Variants in DNMBP observed in about 807,000 individuals in gnomAD.
DNMBP encodes dynamin-binding protein.
A neutral mutation model predicts 150.0 loss-of-function variants in DNMBP; 87 were observed. The ratio of observed to expected loss-of-function variants is 0.58; its 90% CI spans 0.49 to 0.69. The LOEUF (loss-of-function observed/expected upper bound fraction) is 0.69, where lower values mean the gene tolerates loss of function less well. Among genes scored for constraint, DNMBP ranks in the 30% least tolerant of loss-of-function variants. DNMBP has a pLI of 0.00. For missense variants in DNMBP, 1,774 were observed against 1,949.0 expected, an observed-to-expected ratio of 0.91 and a Z score of 1.69; for synonymous variants, 711 against 750.4, an observed-to-expected ratio of 0.95 and a Z score of 0.86.
chr10:99,979,345 A>C (rs185944650), intron 1 of DNMBP, among the ~76,000 whole-genome samples: 1 of 152,340 alleles, frequency 6.6e-6, no homozygotes, highest in African/African-American at 2.4e-5. Flanking sequence ...GGAGACACTC[A>C]CTCAGTCTTA....
chr10:99,984,486 A>G (rs1476987942), intron 1 of DNMBP, among the ~76,000 whole-genome samples: 1 of 152,244 alleles, frequency 6.6e-6, no homozygotes, highest in Non-Finnish European at 1.5e-5. Context: ...GAAACTATAA[A>G]GTGAAACTTT....
intron 4 of DNMBP, chr10:99,929,773 A>C (rs1414630837): frequency 1.4e-6 from 1 of 702,706 alleles, no homozygotes; most frequent in Non-Finnish European, 2.6e-6. Flanking sequence ...GGAATCCCCA[A>C]ATGATGTCCT....
chr10:99,960,544 G>A (rs936840806), intron 3 of DNMBP, among the ~76,000 whole-genome samples: 2 of 152,134 alleles, frequency 1.3e-5, no homozygotes, highest in South Asian at 2.1e-4. Flanking sequence ...GGTGGCTCAC[G>A]CCTGTAATCC....
At chr10:99,931,129 G>A (rs937683584) in intron 4 of DNMBP, 1 of 187,064 alleles carries the variant, frequency 5.3e-6, no homozygotes, top group Non-Finnish European at 1.1e-5. Flanking sequence ...TGCAGGAAAA[G>A]TCGTGTGAAA....
intron 4 of DNMBP, among the ~76,000 whole-genome samples, chr10:99,936,610 T>G (rs1465179038): frequency 1.3e-5 from 2 of 150,784 alleles, no homozygotes; most frequent in Non-Finnish European, 3.0e-5. Flanking sequence ...AAACAATCCA[T>G]GTTTCTATTT....
At chr10:99,925,695 G>T (rs915608647) in intron 4 of DNMBP, among the ~76,000 whole-genome samples, 1 of 152,118 alleles carries the variant, frequency 6.6e-6, no homozygotes, top group Non-Finnish European at 1.5e-5. Flanking sequence ...TATTTCAGGC[G>T]TGAGCCACTG....
At chr10:99,964,135 CTTTTTTTTTTTTT>C (rs895801002) in intron 3 of DNMBP, among the ~76,000 whole-genome samples, 11 of 87,226 alleles carry the variant, frequency 1.3e-4, no homozygotes, top group African/African-American at 4.9e-4. Flanking sequence ...TATTCTCTCT[CTTTTTTTTTTTTT>C]TTTTTTTTTT....
At chr10:99,919,677 C>T (rs999507573) in intron 4 of DNMBP, among the ~76,000 whole-genome samples, 2 of 152,214 alleles carry the variant, frequency 1.3e-5, no homozygotes, top group African/African-American at 4.8e-5. Context: ...CCACCAGCTA[C>T]TTGGGAGGCT....
chr10:99,977,966 C>A (rs957369404), intron 1 of DNMBP, among the ~76,000 whole-genome samples: 25 of 152,192 alleles, frequency 1.6e-4, no homozygotes, highest in African/African-American at 4.8e-4. Context: ...CCAGGTCAAG[C>A]ATTAATGTCT....
intron 1 of DNMBP, among the ~76,000 whole-genome samples, chr10:99,985,565 G>A (rs192747174): frequency 2.4e-4 from 36 of 152,126 alleles, no homozygotes; most frequent in African/African-American, 4.3e-4. Context: ...ATGCTTCCAC[G>A]AGCATCCTTA....
intron 1 of DNMBP, among the ~76,000 whole-genome samples, chr10:99,974,821 C>A (rs1254868894): frequency 6.6e-6 from 1 of 152,236 alleles, no homozygotes; most frequent in Non-Finnish European, 1.5e-5. Flanking sequence ...GAGGCCCAGG[C>A]TGGAGAGCAG....
chr10:99,994,679 T>C (rs2040932742), intron 1 of DNMBP, among the ~76,000 whole-genome samples: 1 of 152,226 alleles, frequency 6.6e-6, no homozygotes, highest in Non-Finnish European at 1.5e-5. Context: ...GGAAAGCCTT[T>C]GCCAAATGCC....
Position 99,877,300 on chromosome 10 carries a change from G to A in DNMBP, c.4585C>T (p.Pro1529Ser). 1.9e-6 allele frequency: 3 copies of A among 1,613,680 alleles called. No individual in the cohort carries two copies. The highest frequency in any genetic ancestry group is 2.5e-6 in the Non-Finnish European group (3 of 1,179,884). The change falls in exon 17 of 17, where the codon CCA becomes TCA. Residue 1529 changes from proline (P) to serine (S), a missense_variant. Around this residue, in one of 2 missense-constraint regions of DNMBP, gnomAD observed 1,430 missense variants for 1,492.5 expected, o/e 0.96. Coordinates refer to ENST00000324109, the MANE Select transcript of DNMBP (RefSeq NM_015221.4). ...FAVYTFKARN[P>S]NELSVSANQK... Reference sequence around the variant, plus strand: ...TTGGCTGACACGCTCAGCTCATTTGGGTTTCGTGCCTTGAAGGTGTAGACA... The same window carrying A: ...TTGGCTGACACGCTCAGCTCATTTGAGTTTCGTGCCTTGAAGGTGTAGACA...
Position 99,880,032 on chromosome 10 carries a change from G to A in DNMBP, c.4327C>T (p.Gln1443Ter). The A allele has an allele frequency of 6.2e-7, 1 of 1,614,212 alleles. No individual in the cohort carries two copies. The highest frequency in any genetic ancestry group is 8.5e-7 in the Non-Finnish European group (1 of 1,180,046). The change falls in exon 16 of 17, where the codon CAG becomes TAG. Residue 1443 changes from glutamine to a stop codon, truncating the protein, a stop_gained. Transcript: ENST00000324109. LOFTEE classifies it high-confidence loss of function. ...RCPSDPDSTSQPRSGDSADVA... is the reference protein window; with the variant it reads ...RCPSDPDSTS Reference sequence around the variant, plus strand: ...TCTGCAGAGTCCCCTGACCTTGGCTGGGAGGTGGAGTCTGGGTCTGAAGGG... The same window carrying A: ...TCTGCAGAGTCCCCTGACCTTGGCTAGGAGGTGGAGTCTGGGTCTGAAGGG...
chr10:99,916,507 T>C (rs1052039203), intron 4 of DNMBP, among the ~76,000 whole-genome samples: 1 of 152,136 alleles, frequency 6.6e-6, no homozygotes, highest in Non-Finnish European at 1.5e-5. Context: ...ACACAGAAAA[T>C]ATGCAACGGT....
intron 1 of DNMBP, among the ~76,000 whole-genome samples, chr10:100,008,736 G>A (rs555496590): frequency 2.0e-5 from 3 of 152,308 alleles, no homozygotes; most frequent in Admixed American, 6.5e-5. Context: ...GAGAAAAATG[G>A]GTAGAGGATA....
intron 4 of DNMBP, among the ~76,000 whole-genome samples, chr10:99,949,622 A>T (rs908280324): frequency 6.6e-6 from 1 of 152,226 alleles, no homozygotes; most frequent in African/African-American, 2.4e-5. Context: ...TGAGAAATCA[A>T]TCAAATCAAC....
intron 1 of DNMBP, among the ~76,000 whole-genome samples, chr10:100,001,563 C>T (rs2041013320): frequency 6.7e-6 from 1 of 148,696 alleles, no homozygotes; most frequent in African/African-American, 2.6e-5. Flanking sequence ...AGGCACATGC[C>T]ACCATGCCCG....
intron 1 of DNMBP, among the ~76,000 whole-genome samples, chr10:99,986,620 A>AAAAAAAAC (rs1480261653): frequency 1.5e-5 from 2 of 136,562 alleles, no homozygotes; most frequent in Non-Finnish European, 3.2e-5. Flanking sequence ...AAAAAAAAAA[A>AAAAAAAAC]AAAAACCTGC....
Sources: allele counts gnomAD v4.1 joint callset (sites outside exome capture counted in the v4.1 genomes callset), GRCh38; gene constraint gnomAD v4.1.1; regional missense constraint gnomAD v4.1.1; transcripts MANE v1.5; gene names NCBI Gene and HGNC (gene_info 2026-07-23, HGNC 2026-07-21).